ZDHHC11B: variants seen among roughly 807,000 people sequenced by gnomAD.
ZDHHC11B encodes the protein probable palmitoyltransferase ZDHHC11B.
In ZDHHC11B, 17 loss-of-function variants were observed where a neutral mutation model predicts 42.3. That is an observed-to-expected ratio of 0.40 (90% CI 0.27 to 0.60). ZDHHC11B has a LOEUF of 0.60. Ranked by LOEUF, ZDHHC11B falls within the 20% of genes least tolerant of loss-of-function variation. ZDHHC11B has a pLI of 0.41. For missense variants in ZDHHC11B, 262 were observed against 463.2 expected, an observed-to-expected ratio of 0.57 and a Z score of 3.99; for synonymous variants, 123 against 193.5, an observed-to-expected ratio of 0.64 and a Z score of 3.02.
intron 4 of ZDHHC11B, among the ~76,000 whole-genome samples, chr5:759,806 C>T (rs1249165748): frequency 1.3e-5 from 2 of 151,906 alleles, no homozygotes; most frequent in Admixed American, 6.6e-5. Flanking sequence ...TCAGGGGCTG[C>T]AGCCACTGGG....
chr5:776,052 G>A lies in ZDHHC11B; in HGVS notation c.-229-7122C>T, dbSNP rs571978480. Among the ~76,000 whole-genome samples, 12 of 149,852 alleles carry A rather than the reference G, an allele frequency of 8.0e-5. 1 individual carries two copies. The highest frequency in any genetic ancestry group is 1.5e-4 in the Non-Finnish European group (10 of 67,356). On this transcript the variant is annotated intron_variant, in intron 1 of 13. Coordinates refer to ENST00000508859, the MANE Select transcript of ZDHHC11B (RefSeq NM_001351303.2). ...AGGCTCAGCTGGGTGTACTGCCGCT[G>A]GGCTCTTCAGAACCTTTACGCCCAA... is the stretch of plus-strand genomic sequence containing the variant.
chr5:765,670 A>C (rs1292267233), intron 4 of ZDHHC11B, among the ~76,000 whole-genome samples: 1 of 151,742 alleles, frequency 6.6e-6, no homozygotes, highest in Non-Finnish European at 1.5e-5. Context: ...GCTGCTGCTC[A>C]CTCTTTGGCT....
Position 766,841 on chromosome 5 carries a change from G to A in ZDHHC11B, c.79C>T (p.Arg27Cys), listed in dbSNP as rs757125823. 105 of 1,612,642 alleles carry A rather than the reference G, an allele frequency of 6.5e-5. 2 individuals are homozygous for A. The highest frequency in any genetic ancestry group is 5.9e-5 in the Non-Finnish European group (70 of 1,179,224). Residue 27 changes from arginine (R) to cysteine (C), a missense_variant, in exon 4 of 14, where the codon CGC (arginine) becomes TGC (cysteine). This residue lies in a region of ZDHHC11B where 97 missense variants were observed against 98.1 expected (regional missense o/e 0.99). Coordinates refer to ENST00000508859, the MANE Select transcript of ZDHHC11B (RefSeq NM_001351303.2). ...GACCAGCCGTTCACTCTGGAGATGC[G>A]GGGCGGCAAGACCAGCTCTTCATTG... ...RNNEELVLPP[R>C]ISRVNGWSLP...
intron 1 of ZDHHC11B, among the ~76,000 whole-genome samples, chr5:780,970 C>T (rs1429999545): frequency 6.7e-6 from 1 of 148,354 alleles, no homozygotes; most frequent in Non-Finnish European, 1.5e-5. Flanking sequence ...ATGCAGGTGG[C>T]TGTGCAGCGG....
At chr5:728,640 T>C (rs1331572452) in intron 12 of ZDHHC11B, among the ~76,000 whole-genome samples, 1 of 152,034 alleles carries the variant, frequency 6.6e-6, no homozygotes, top group Non-Finnish European at 1.5e-5. Flanking sequence ...TTTTAACCTA[T>C]ACTATCATCT....
At chr5:748,958 T>C (rs11743124) in intron 7 of ZDHHC11B, among the ~76,000 whole-genome samples, 13,873 of 44,968 alleles carry the variant, frequency 0.31, 1,246 homozygotes, top group Middle Eastern at 0.51. Context: ...TCACAGTGCC[T>C]ACCCCTTCCT....
At chr5:766,519 G>C (rs1451749012) in intron 4 of ZDHHC11B, among the ~76,000 whole-genome samples, 179 bp downstream of exon 4, 35 of 151,800 alleles carry the variant, frequency 2.3e-4, no homozygotes, top group Non-Finnish European at 2.1e-4. Flanking sequence ...ACCCTGAGCA[G>C]GGGCTGCACA....
intron 1 of ZDHHC11B, among the ~76,000 whole-genome samples, chr5:783,485 A>AG (rs1211207752): frequency 6.5e-5 from 9 of 138,986 alleles, no homozygotes; most frequent in African/African-American, 2.0e-4. Flanking sequence ...TCAGGCGGGG[A>AG]GGGGTGGCCG....
chr5:741,915 C>CACTCGCAAAAA (rs70955297), intron 9 of ZDHHC11B, among the ~76,000 whole-genome samples: 1 of 56,232 alleles, frequency 1.8e-5, no homozygotes. Flanking sequence ...ATTTAACTCC[C>CACTCGCAAAAA]ACGCAGGAGA....
At chr5:743,490 A>T (rs576835782) in intron 9 of ZDHHC11B, among the ~76,000 whole-genome samples, 2 of 148,454 alleles carry the variant, frequency 1.3e-5, no homozygotes, top group African/African-American at 2.5e-5. Flanking sequence ...AAATCTGTAG[A>T]TAAGTTTTGG....
intron 12 of ZDHHC11B, among the ~76,000 whole-genome samples, chr5:725,126 G>A (rs561091914): frequency 9.2e-5 from 14 of 151,488 alleles, no homozygotes; most frequent in Non-Finnish European, 1.8e-4. Flanking sequence ...GACAGGATTC[G>A]TGAGTGCCTT....
chr5:763,317 C>G (rs1016395938), intron 4 of ZDHHC11B, among the ~76,000 whole-genome samples: 2 of 148,792 alleles, frequency 1.3e-5, no homozygotes, highest in Admixed American at 1.4e-4. Context: ...TGCAGTGAGT[C>G]GAGATCACAC....
chr5:750,441 C>T (rs187532909), intron 7 of ZDHHC11B, among the ~76,000 whole-genome samples: 2,670 of 140,892 alleles, frequency 0.019, 59 homozygotes, highest in Middle Eastern at 0.05. Flanking sequence ...CTCCCCTCTG[C>T]GTCTCTCCTT....
Position 716,787 on chromosome 5 carries a change from G to A in ZDHHC11B, c.*7+14C>T. The A allele has an allele frequency of 2.5e-6, 4 of 1,612,862 alleles. No individual in the cohort carries two copies. Among genetic ancestry groups the A allele is most frequent in the Non-Finnish European group, 2.5e-6 (3 of 1,179,484 alleles). ...GGTAGATTTCAACATGACCTGCACT[G>A]CCACGTATCTTACCCGAATCTCAGT... On this transcript the variant is annotated intron_variant, in intron 13 of 13. Transcript: ENST00000508859.
chr5:715,879 C>G (rs1277870472), intron 13 of ZDHHC11B, among the ~76,000 whole-genome samples: 2 of 151,556 alleles, frequency 1.3e-5, no homozygotes, highest in Non-Finnish European at 2.9e-5. Flanking sequence ...GCTGTGGGAG[C>G]TGCCTGGAGC....
intron 12 of ZDHHC11B, among the ~76,000 whole-genome samples, chr5:718,930 A>C (rs7725835): frequency 0.49 from 73,714 of 149,776 alleles, 14,240 homozygotes; most frequent in African/African-American, 0.54. Context: ...AGGGATCAAT[A>C]CAGAGGCTTG....
chr5:758,243 C>T (rs1734120798), intron 4 of ZDHHC11B, among the ~76,000 whole-genome samples: 1 of 151,924 alleles, frequency 6.6e-6, no homozygotes, highest in Admixed American at 6.6e-5. Flanking sequence ...CCAGGGGAAG[C>T]CCCTTCCTCT....
chr5:743,121 A>G (rs1744354497), intron 9 of ZDHHC11B, among the ~76,000 whole-genome samples: 1 of 149,054 alleles, frequency 6.7e-6, no homozygotes, highest in South Asian at 2.2e-4. Flanking sequence ...GCTGAACTAT[A>G]ATTTCTCCCT....
chr5:758,537 TG>T (rs1484431696), intron 4 of ZDHHC11B, among the ~76,000 whole-genome samples: 1 of 151,736 alleles, frequency 6.6e-6, no homozygotes, highest in African/African-American at 2.4e-5. Context: ...AGGGCTGTCC[TG>T]AGCCTGAACC....
Sources: allele counts gnomAD v4.1 joint callset (sites outside exome capture counted in the v4.1 genomes callset), GRCh38; gene constraint gnomAD v4.1.1; regional missense constraint gnomAD v4.1.1; transcripts MANE v1.5; gene names NCBI Gene and HGNC (gene_info 2026-07-23, HGNC 2026-07-21).